The following PLEKHH2 variants were observed in gnomAD, a reference collection of about 807,000 sequenced individuals.
PLEKHH2 encodes the protein pleckstrin homology, MyTH4 and FERM domain containing H2.
A neutral mutation model predicts 187.9 loss-of-function variants in PLEKHH2; 129 were observed. The observed-to-expected ratio is 0.69, with a 90% CI of 0.59 to 0.79. PLEKHH2 has a LOEUF of 0.79. Among genes scored for constraint, PLEKHH2 ranks in the 30% least tolerant of loss-of-function variants. The pLI, the probability that PLEKHH2 is intolerant of heterozygous loss-of-function variation, is 0.00. For synonymous variants in PLEKHH2, 686 were observed against 605.6 expected, an observed-to-expected ratio of 1.13 and a Z score of -1.95; for missense variants, 2,076 against 1,751.2, an observed-to-expected ratio of 1.19 and a Z score of -3.31.
chr2:43,640,780 T>TTTA (rs1233199808), intron 1 of PLEKHH2, among the ~76,000 whole-genome samples: 1 of 151,594 alleles, frequency 6.6e-6, no homozygotes, highest in African/African-American at 2.4e-5. Flanking sequence ...TTATTTTTAA[T>TTTA]TTATTATTAT....
At chr2:43,730,468 C>T (rs573814390) in intron 18 of PLEKHH2, among the ~76,000 whole-genome samples, 5 of 152,236 alleles carry the variant, frequency 3.3e-5, no homozygotes, top group Middle Eastern at 3.4e-3. Flanking sequence ...GCATGATCTC[C>T]GCTCACTGCA....
chr2:43,724,141 G>A (rs576857505), intron 16 of PLEKHH2, among the ~76,000 whole-genome samples: 2 of 97,114 alleles, frequency 2.1e-5, no homozygotes, highest in Non-Finnish European at 4.7e-5. Context: ...GACTTACCAA[G>A]GTAAGTCTGA....
intron 10 of PLEKHH2, among the ~76,000 whole-genome samples, 192 bp downstream of exon 10, chr2:43,706,608 A>C (rs577845109): frequency 6.6e-6 from 1 of 152,352 alleles, no homozygotes; most frequent in South Asian, 2.1e-4. Context: ...ACTTATCAGA[A>C]TGTTAGAGGT....
At chr2:43,745,768 T>A in intron 23 of PLEKHH2, 98 bp from the exon 24 acceptor site, 2 of 787,770 alleles carry the variant, frequency 2.5e-6, no homozygotes, top group Non-Finnish European at 4.0e-6. Context: ...TTTGGTTTGA[T>A]CATATTAATT....
chr2:43,671,767 A>C (rs969766724), intron 2 of PLEKHH2, among the ~76,000 whole-genome samples: 1 of 152,194 alleles, frequency 6.6e-6, no homozygotes, highest in Admixed American at 6.5e-5. Flanking sequence ...TATTTTTCAA[A>C]AGTTAAAACA....
intron 6 of PLEKHH2, 26 bp downstream of exon 6, chr2:43,695,250 T>C: frequency 1.5e-6 from 2 of 1,374,698 alleles, no homozygotes; most frequent in Non-Finnish European, 2.0e-6. Flanking sequence ...TAAGATAGCT[T>C]AGTTGGATTT....
chr2:43,736,556 C>T (rs1002763754), intron 19 of PLEKHH2, among the ~76,000 whole-genome samples: 5 of 152,060 alleles, frequency 3.3e-5, no homozygotes, highest in African/African-American at 9.7e-5. Context: ...CAGGGCTGAT[C>T]GGGCGCGGTG....
At chr2:43,758,572 G>A (rs1156340912) in intron 26 of PLEKHH2, among the ~76,000 whole-genome samples, 3 of 152,184 alleles carry the variant, frequency 2.0e-5, no homozygotes, top group Non-Finnish European at 4.4e-5. Context: ...CTTTTAAAAT[G>A]AAAATATTCC....
At chr2:43,722,961 G>T (rs976012944) in intron 16 of PLEKHH2, among the ~76,000 whole-genome samples, 1 of 152,084 alleles carries the variant, frequency 6.6e-6, no homozygotes, top group Non-Finnish European at 1.5e-5. Flanking sequence ...ATTTCCAAAA[G>T]AATTTGCTTT....
chr2:43,639,401 C>T (rs1179186888), intron 1 of PLEKHH2, among the ~76,000 whole-genome samples: 2 of 152,140 alleles, frequency 1.3e-5, no homozygotes, highest in African/African-American at 4.8e-5. Flanking sequence ...AAAGAAACCC[C>T]CTATCCATTG....
Position 43,707,563 on chromosome 2 carries a change from G to C in PLEKHH2, c.1966+18G>C. The C allele has an allele frequency of 6.2e-7, 1 of 1,613,254 alleles. No individual in the cohort carries two copies. The highest frequency in any genetic ancestry group is 8.5e-7 in the Non-Finnish European group (1 of 1,179,450). On this transcript the variant is annotated intron_variant, in intron 11 of 29. Transcript: ENST00000282406. ...GAAACGAGGTGAGGGAAAATCGCAG[G>C]CATATGAGGCAACTCCAGATCATTC... is the stretch of plus-strand genomic sequence containing the variant.
chr2:43,711,271 A>G lies in PLEKHH2; in HGVS notation c.2301+696A>G, dbSNP rs542164873. The G allele has an allele frequency of 1.1e-5, 11 of 985,422 alleles. No homozygotes were observed. In the East Asian group the frequency reaches 3.4e-4, roughly 30 times the overall value. The allele number at this position is 985,422 out of a possible 1,614,324, so 61.0% of individuals were successfully genotyped here. A position where few individuals can be genotyped will look rare whatever the true frequency, so the allele number is the denominator to read the frequency against. Reference sequence around the variant, plus strand: ...ACTTTGCCAGAAAGGTACATTATCAATGTTTCCAGTGATTTGTACCTGAAA... The same window carrying G: ...ACTTTGCCAGAAAGGTACATTATCAGTGTTTCCAGTGATTTGTACCTGAAA... On this transcript the variant is annotated intron_variant, in intron 14 of 29. Transcript: ENST00000282406.
At chr2:43,744,867 C>CA (rs774106764) in intron 23 of PLEKHH2, among the ~76,000 whole-genome samples, 1,923 of 82,760 alleles carry the variant, frequency 0.023, 37 homozygotes, top group African/African-American at 0.043. Context: ...GACTGTCTCA[C>CA]AAAAAAAAAA....
intron 2 of PLEKHH2, among the ~76,000 whole-genome samples, chr2:43,656,388 G>A (rs1355078075): frequency 1.3e-5 from 2 of 152,166 alleles, no homozygotes; most frequent in Admixed American, 1.3e-4. Flanking sequence ...CTTTTTATGA[G>A]TATAATTCTT....
At chr2:43,675,932 A>G in intron 2 of PLEKHH2, 5 of 1,614,030 alleles carry the variant, frequency 3.1e-6, no homozygotes, top group Non-Finnish European at 4.2e-6. Context: ...TTGTCACCAT[A>G]CTTTTCAAAG....
chr2:43,652,873 A>G (rs1033594346), intron 2 of PLEKHH2, among the ~76,000 whole-genome samples: 2 of 152,242 alleles, frequency 1.3e-5, no homozygotes, highest in African/African-American at 4.8e-5. Flanking sequence ...CTCAGAGAGA[A>G]AGGAAAGGAT....
At chr2:43,742,059 G>C (rs1671589309) in intron 21 of PLEKHH2, among the ~76,000 whole-genome samples, 2 of 151,430 alleles carry the variant, frequency 1.3e-5, no homozygotes. Context: ...GGAGTGCAGT[G>C]GCATGTTCTT....
At chr2:43,740,778 G>A in intron 20 of PLEKHH2, 168 bp from the exon 21 acceptor site, 2 of 1,235,896 alleles carry the variant, frequency 1.6e-6, no homozygotes, top group East Asian at 3.1e-5. Flanking sequence ...CCAATGTAGA[G>A]TTTTTTGTTT....
intron 2 of PLEKHH2, among the ~76,000 whole-genome samples, chr2:43,676,802 TCTTCTA>T: frequency 6.6e-6 from 1 of 152,128 alleles, no homozygotes; most frequent in Non-Finnish European, 1.5e-5. Context: ...TCAAAGAATC[TCTTCTA>T]TACTCTCTCC....
Sources: gnomAD v4.1 joint callset for allele counts (sites outside exome capture counted in the v4.1 genomes callset) on GRCh38, gnomAD v4.1.1 for gene constraint, MANE v1.5 for transcripts, NCBI Gene and HGNC (gene_info 2026-07-23, HGNC 2026-07-21) for gene names.